Variants in EPHA5 observed in about 807,000 individuals in gnomAD.
EPHA5 encodes the protein ephrin type-A receptor 5.
Under a neutral mutation model 105.0 loss-of-function variants are expected in EPHA5, and 60 were observed. The ratio of observed to expected loss-of-function variants is 0.57; its 90% confidence interval spans 0.46 to 0.71. The LOEUF (loss-of-function observed/expected upper bound fraction) is 0.71. Among genes scored for constraint, EPHA5 ranks in the 30% least tolerant of loss-of-function variants. EPHA5 has a pLI of 0.00. For synonymous variants in EPHA5, 513 were observed against 449.1 expected (o/e 1.14, Z -1.80); for missense variants, 1,218 against 1,274.7 (o/e 0.96, Z 0.68).
intron 3 of EPHA5, among the ~76,000 whole-genome samples, chr4:65,534,134 C>T (rs1180988296): frequency 1.3e-5 from 2 of 152,020 alleles, no homozygotes; most frequent in African/African-American, 2.4e-5. Flanking sequence ...GTATGAATGG[C>T]TTAAGTTTCC....
chr4:65,483,293 C>T (rs58967505), intron 5 of EPHA5, among the ~76,000 whole-genome samples: 26,550 of 152,054 alleles, frequency 0.17, 2,634 homozygotes, highest in African/African-American at 0.25. Context: ...CAAGTCTTTG[C>T]TATTGTGAAT....
intron 8 of EPHA5, among the ~76,000 whole-genome samples, chr4:65,373,396 G>A (rs1487552185): frequency 6.6e-6 from 1 of 151,764 alleles, no homozygotes; most frequent in Non-Finnish European, 1.5e-5. Flanking sequence ...TAAAAGGGAA[G>A]AGTACTTCCA....
chr4:65,648,981 T>A (rs568846170), intron 1 of EPHA5, among the ~76,000 whole-genome samples: 1 of 152,326 alleles, frequency 6.6e-6, no homozygotes, highest in East Asian at 1.9e-4. Context: ...GGGAAAATTA[T>A]GTTATAGGTT....
At chr4:65,456,383 C>T (rs1025663651) in intron 5 of EPHA5, among the ~76,000 whole-genome samples, 1 of 151,676 alleles carries the variant, frequency 6.6e-6, no homozygotes, top group East Asian at 1.9e-4. Flanking sequence ...CTGCCATATT[C>T]TAAGCATTCT....
At chr4:65,647,692 T>G (rs1284395737) in intron 1 of EPHA5, among the ~76,000 whole-genome samples, 1 of 152,146 alleles carries the variant, frequency 6.6e-6, no homozygotes, top group Admixed American at 6.5e-5. Flanking sequence ...ATTATTTATA[T>G]TTTAAAATAC....
rs765915132 is a variant in EPHA5 at position 65,376,884 on chromosome 4, G to A, written c.1794-9460C>T. The A allele has an allele frequency of 2.0e-4, 164 of 833,600 alleles. 1 individual carries two copies. The highest frequency in any genetic ancestry group is 2.7e-4 in the Non-Finnish European group (158 of 576,562). The allele number at this position is 833,600 out of a possible 1,614,324, so 51.6% of individuals were successfully genotyped here. A position where few individuals can be genotyped will look rare whatever the true frequency, so the allele number is the denominator to read the frequency against. ...AAATCACTTGTTAGGATTCACCTTG[G>A]GGAGCCAGTTTTATTCTACTCAAAT... On this transcript the variant is annotated intron_variant, in intron 8 of 16. Transcript: ENST00000613740.
At chr4:65,541,406 T>A (rs946982903) in intron 3 of EPHA5, among the ~76,000 whole-genome samples, 3 of 151,436 alleles carry the variant, frequency 2.0e-5, no homozygotes, top group Non-Finnish European at 1.5e-5. Flanking sequence ...TGGAGGAAAA[T>A]TTACCAAACA....
chr4:65,461,663 A>G (rs1419049141), intron 5 of EPHA5, among the ~76,000 whole-genome samples: 2 of 152,078 alleles, frequency 1.3e-5, no homozygotes, highest in Non-Finnish European at 1.5e-5. Context: ...GCTGTAAGTC[A>G]TGACTTTCAT....
chr4:65,479,402 G>T (rs184234716), intron 5 of EPHA5, among the ~76,000 whole-genome samples: 7 of 152,178 alleles, frequency 4.6e-5, no homozygotes, highest in Non-Finnish European at 8.8e-5. Flanking sequence ...CAAGCAAACA[G>T]AATTTATTCT....
chr4:65,529,592 A>G (rs1385198252), intron 3 of EPHA5, among the ~76,000 whole-genome samples: 1 of 152,122 alleles, frequency 6.6e-6, no homozygotes, highest in Non-Finnish European at 1.5e-5. Flanking sequence ...ATACATACTC[A>G]TATAATTTTC....
intron 3 of EPHA5, among the ~76,000 whole-genome samples, chr4:65,520,449 T>C (rs1734577226): frequency 6.6e-6 from 1 of 152,148 alleles, no homozygotes; most frequent in Non-Finnish European, 1.5e-5. Flanking sequence ...AGCAATACCA[T>C]TCAGGTCATG....
intron 8 of EPHA5, among the ~76,000 whole-genome samples, chr4:65,376,833 A>G (rs1331014873): frequency 1.3e-5 from 2 of 152,048 alleles, no homozygotes; most frequent in Non-Finnish European, 1.5e-5. Flanking sequence ...CATATGTATA[A>G]TATTTATTTG....
At chr4:65,540,828 C>A (rs1490334724) in intron 3 of EPHA5, among the ~76,000 whole-genome samples, 1 of 149,378 alleles carries the variant, frequency 6.7e-6, no homozygotes, top group Non-Finnish European at 1.5e-5. Flanking sequence ...GATCCCATCC[C>A]CACCTTTACC....
At chr4:65,497,962 A>G in intron 3 of EPHA5, among the ~76,000 whole-genome samples, 1 of 152,072 alleles carries the variant, frequency 6.6e-6, no homozygotes, top group East Asian at 1.9e-4. Flanking sequence ...TATTATAAAT[A>G]TTACTACACC....
At chr4:65,370,899 AG>A (rs1560463910) in intron 8 of EPHA5, among the ~76,000 whole-genome samples, 1 of 152,134 alleles carries the variant, frequency 6.6e-6, no homozygotes, top group African/African-American at 2.4e-5. Context: ...AGCAAGTAAA[AG>A]TGCAGCTAGC....
At chr4:65,326,123 TA>T (rs1365382474) in intron 16 of EPHA5, among the ~76,000 whole-genome samples, 1 of 150,238 alleles carries the variant, frequency 6.7e-6, no homozygotes, top group Non-Finnish European at 1.5e-5. Flanking sequence ...TAGACACATA[TA>T]AATTGGTGAC....
intron 8 of EPHA5, among the ~76,000 whole-genome samples, chr4:65,394,862 T>G (rs998295089): frequency 6.6e-6 from 1 of 152,120 alleles, no homozygotes; most frequent in Non-Finnish European, 1.5e-5. Context: ...TCATTATTAT[T>G]ACCATGTTAC....
intron 3 of EPHA5, among the ~76,000 whole-genome samples, chr4:65,533,973 A>AAGAC (rs1736064814): frequency 7.2e-6 from 1 of 139,182 alleles, no homozygotes; most frequent in Non-Finnish European, 1.6e-5. Flanking sequence ...GAAAGAAAGA[A>AAGAC]AAGAAAAGAG....
At chr4:65,578,057 T>C (rs76826689) in intron 3 of EPHA5, among the ~76,000 whole-genome samples, 35,326 of 152,142 alleles carry the variant, frequency 0.23, 5,229 homozygotes, top group Middle Eastern at 0.37. Flanking sequence ...AAAAATAAGC[T>C]ACTTCTTGGG....
Sources: allele counts gnomAD v4.1 joint callset (sites outside exome capture counted in the v4.1 genomes callset), GRCh38; gene constraint gnomAD v4.1.1; transcripts MANE v1.5; gene names NCBI Gene and HGNC (gene_info 2026-07-23, HGNC 2026-07-21).